SORL1: variants seen among roughly 807,000 people sequenced by gnomAD.
The protein encoded by SORL1 is sortilin-related receptor.
A neutral mutation model predicts 273.7 loss-of-function variants in SORL1; 127 were observed. That is an observed-to-expected ratio of 0.46 (90% CI 0.40 to 0.54). The LOEUF is 0.54. SORL1 is among the 20% of genes least tolerant of loss of function. The pLI is 0.00. For missense variants in SORL1, 2,494 were observed against 2,846.1 expected (o/e 0.88, Z 2.81); for synonymous variants, 1,031 against 1,067.4 (o/e 0.97, Z 0.66).
intron 6 of SORL1, among the ~76,000 whole-genome samples, chr11:121,512,388 A>C (rs1368772555): frequency 6.6e-6 from 1 of 152,234 alleles, no homozygotes; most frequent in Admixed American, 6.5e-5. Flanking sequence ...TCTAAAATGC[A>C]ATGTGATGTG....
chr11:121,465,798 A>AT (rs1225290231), intron 1 of SORL1, among the ~76,000 whole-genome samples: 1 of 152,184 alleles, frequency 6.6e-6, no homozygotes, highest in Non-Finnish European at 1.5e-5. Context: ...AAGTGCTGGG[A>AT]TTACAGGCAT....
At chr11:121,478,804 G>A (rs1019726406) in intron 3 of SORL1, among the ~76,000 whole-genome samples, 1 of 151,886 alleles carries the variant, frequency 6.6e-6, no homozygotes, top group Non-Finnish European at 1.5e-5. Flanking sequence ...GTACCTTTGT[G>A]TGTGTGCTTG....
Position 121,533,941 on chromosome 11 carries a change from G to T in SORL1, c.1685+1389G>T, listed in dbSNP as rs145416843. 3.3e-3 allele frequency among the ~76,000 whole-genome samples: 507 copies of T among 152,326 alleles called. 2 individuals are homozygous for T. Among genetic ancestry groups the T allele is most frequent in the Non-Finnish European group, 3.5e-3 (241 of 68,030 alleles). On this transcript the variant is annotated intron_variant, in intron 12 of 47. Coordinates refer to ENST00000260197, the MANE Select transcript of SORL1 (RefSeq NM_003105.6). ...TCATATTCAGATTGGTGTTTGCTCAGACAACGACCATCACAGAGCACAGTA... is the reference window on the plus strand; with the variant it reads ...TCATATTCAGATTGGTGTTTGCTCATACAACGACCATCACAGAGCACAGTA...
chr11:121,505,187 G>A (rs1365192222), intron 6 of SORL1, among the ~76,000 whole-genome samples: 1 of 151,864 alleles, frequency 6.6e-6, no homozygotes, highest in Non-Finnish European at 1.5e-5. Context: ...TCAGCAGTTT[G>A]TATCTTTCTA....
intron 3 of SORL1, among the ~76,000 whole-genome samples, chr11:121,483,977 C>T (rs573605685): frequency 2.6e-5 from 4 of 152,074 alleles, no homozygotes; most frequent in East Asian, 1.9e-4. Context: ...AGGAGAAGGG[C>T]GTCAGCAGAG....
chr11:121,609,824 C>T (rs760113064), intron 38 of SORL1: 13 of 152,184 alleles, frequency 8.5e-5, no homozygotes, highest in Admixed American at 2.0e-4. Flanking sequence ...TATTGTTGCT[C>T]GTGAATGGAT....
chr11:121,452,679 G>T lies in SORL1; in HGVS notation c.285+63G>T. On this transcript the variant is annotated intron_variant, in intron 1 of 47. Transcript: ENST00000260197. The surrounding 1 kb of genome is among the most constrained non-coding windows in gnomAD (Gnocchi z 5.3). ...CCTCTCCCTGCACTTCCTCACCCCC[G>T]CATCCATCCGTTGCAGTCGCCTCCT... is the stretch of plus-strand genomic sequence containing the variant. 7 of 1,341,716 alleles carry T rather than the reference G, an allele frequency of 5.2e-6. No homozygotes were observed. Among genetic ancestry groups the T allele is most frequent in the Non-Finnish European group, 6.7e-6 (7 of 1,039,522 alleles). 83.1% of individuals were successfully genotyped at this position (1,341,716 alleles called of 1,614,324 possible).
At chr11:121,491,839 G>C (rs1031234429) in intron 5 of SORL1, among the ~76,000 whole-genome samples, 1 of 152,074 alleles carries the variant, frequency 6.6e-6, no homozygotes, top group African/African-American at 2.4e-5. Flanking sequence ...AGATCATTTT[G>C]TTCCTCTGCT....
intron 41 of SORL1, among the ~76,000 whole-genome samples, chr11:121,618,435 C>T (rs553510502): frequency 1.3e-5 from 2 of 152,224 alleles, no homozygotes; most frequent in African/African-American, 2.4e-5. Flanking sequence ...AATAACCCCC[C>T]GTTCCCTGGC....
chr11:121,530,233 C>A (rs1263099277), intron 11 of SORL1, among the ~76,000 whole-genome samples: 2 of 152,226 alleles, frequency 1.3e-5, no homozygotes, highest in African/African-American at 2.4e-5. Flanking sequence ...TTTACCATTT[C>A]TCTTGCTTGC....
chr11:121,619,207 G>A (rs973853581), intron 42 of SORL1, among the ~76,000 whole-genome samples: 1 of 152,162 alleles, frequency 6.6e-6, no homozygotes, highest in African/African-American at 2.4e-5. Context: ...TGTGTGCCAA[G>A]ATATATGGAG....
rs34608652 is a variant in SORL1, at chr11:121,540,522, C to CAA, written c.1686-3013_1686-3012dup. On this transcript the variant is annotated intron_variant, in intron 12 of 47. Coordinates refer to ENST00000260197, the MANE Select transcript of SORL1 (RefSeq NM_003105.6). ...TGAAATCCTATCTCTACTAAAAATACAAAAAAAAAAAAAAGAATGCAAAGA... is the reference window on the plus strand; with the variant it reads ...TGAAATCCTATCTCTACTAAAAATACAAAAAAAAAAAAAAAAGAATGCAAAGA... 6.2e-3 allele frequency among the ~76,000 whole-genome samples: 643 copies of CAA among 103,876 alleles called. 36 individuals carry two copies. Among genetic ancestry groups the CAA allele is most frequent in the Middle Eastern group, 0.017 (3 of 178 alleles). 68.1% of individuals were successfully genotyped at this position (103,876 alleles called of 152,430 possible).
At chr11:121,517,031 G>A (rs1397984724) in intron 8 of SORL1, among the ~76,000 whole-genome samples, 2 of 151,902 alleles carry the variant, frequency 1.3e-5, no homozygotes, top group Non-Finnish European at 2.9e-5. Context: ...CAGCCTGGGC[G>A]ACAGAGCGAG....
At chr11:121,558,570 T>TTCTGTCCC in intron 19 of SORL1, 21 bp from the exon 20 acceptor site, 1 of 1,613,998 alleles carries the variant, frequency 6.2e-7, no homozygotes, top group Non-Finnish European at 8.5e-7. Context: ...GAGGTATGTG[T>TTCTGTCCC]TCTGTCCCCA....
At chr11:121,506,996 G>A (rs1167390024) in intron 6 of SORL1, among the ~76,000 whole-genome samples, 1 of 151,710 alleles carries the variant, frequency 6.6e-6, no homozygotes, top group Non-Finnish European at 1.5e-5. Context: ...TGTGCTTTGG[G>A]GATTACAATA....
chr11:121,483,744 ACTG>A (rs983509323), intron 3 of SORL1, among the ~76,000 whole-genome samples: 3 of 152,180 alleles, frequency 2.0e-5, no homozygotes, highest in African/African-American at 7.2e-5. Context: ...AGGGTGAAAT[ACTG>A]TGTCTTCCTA....
intron 11 of SORL1, among the ~76,000 whole-genome samples, chr11:121,529,502 A>T (rs1436141233): frequency 6.6e-6 from 1 of 152,134 alleles, no homozygotes; most frequent in Admixed American, 6.5e-5. Context: ...CAGGTGTGAG[A>T]TACCACGCCC....
chr11:121,472,858 G>A lies in SORL1; in HGVS notation c.402+2735G>A, dbSNP rs971337362. Among the ~76,000 whole-genome samples the A allele has an allele frequency of 2.0e-5, 3 of 152,200 alleles. No homozygotes were observed. The East Asian group carries it at 5.8e-4, about 29-fold the overall frequency. On this transcript the variant is annotated intron_variant, in intron 2 of 47. Transcript: ENST00000260197. ...GCCTGTAATTCCAGCTACTCGGGAG[G>A]CTGAGGCAAGAGAATCGCTTGAACC...
At chr11:121,457,387 C>T (rs573498528) in intron 1 of SORL1, among the ~76,000 whole-genome samples, 23 of 152,282 alleles carry the variant, frequency 1.5e-4, no homozygotes, top group African/African-American at 2.6e-4. Context: ...AGCTCCTTTC[C>T]GGGTGGCATC....
Sources: gnomAD v4.1 joint callset for allele counts (sites outside exome capture counted in the v4.1 genomes callset) on GRCh38, gnomAD v4.1.1 for gene constraint, Gnocchi (gnomAD v3.1) non-coding constraint, MANE v1.5 for transcripts, NCBI Gene and HGNC (gene_info 2026-07-23, HGNC 2026-07-21) for gene names.